The following NF1 variants were observed in gnomAD, a reference collection of about 807,000 sequenced individuals.
The protein encoded by NF1 is neurofibromin 1.
In NF1, 122 loss-of-function variants were observed where a neutral mutation model predicts 325.7. The observed-to-expected ratio is 0.37, with a 90% CI of 0.32 to 0.44. NF1 has a LOEUF of 0.44. Ranked by LOEUF, NF1 falls within the 20% of genes least tolerant of loss-of-function variation. The pLI, the probability that NF1 is intolerant of heterozygous loss-of-function variation, is 1.00. For synonymous variants in NF1, 1,091 were observed against 1,186.0 expected (o/e 0.92, Z 1.65); for missense variants, 2,140 against 3,415.4 (o/e 0.63, Z 9.31).
chr17:31,375,342 C>A lies in NF1; in HGVS notation c.*1187C>A, dbSNP rs1184430338. 1.7e-5 allele frequency: 4 copies of A among 230,004 alleles called. No individual in the cohort carries two copies. The highest frequency in any genetic ancestry group is 5.7e-5 in the Admixed American group (1 of 17,678). The allele number at this position is 230,004 out of a possible 1,614,324, so 14.2% of individuals were successfully genotyped here. On this transcript the variant is annotated 3_prime_UTR_variant, in exon 58 of 58. Coordinates refer to ENST00000358273, the MANE Select transcript of NF1 (RefSeq NM_001042492.3). ...ATGTAGGTTATATATGCTAGAATTG[C>A]ATTTAATCACTGTGAAAAGACTGGT...
At chr17:31,140,332 G>A (rs1916125381) in intron 1 of NF1, among the ~76,000 whole-genome samples, 2 of 152,080 alleles carry the variant, frequency 1.3e-5, no homozygotes, top group African/African-American at 4.8e-5. Flanking sequence ...TTGAGATAAT[G>A]ACAATTGTGG....
intron 1 of NF1, among the ~76,000 whole-genome samples, chr17:31,132,698 CTG>C (rs1467198532): frequency 6.6e-6 from 1 of 151,924 alleles, no homozygotes; most frequent in African/African-American, 2.4e-5. Flanking sequence ...CGGAGTTTCA[CTG>C]TTGTTGCCCA....
intron 55 of NF1, 46 bp downstream of exon 55, chr17:31,358,668 A>G (rs934484504): frequency 1.1e-5 from 17 of 1,608,748 alleles, no homozygotes; most frequent in East Asian, 6.7e-5. Flanking sequence ...ACTTGCTAAC[A>G]TGCGCGCTGT....
intron 36 of NF1, among the ~76,000 whole-genome samples, chr17:31,322,080 G>C (rs1316103371): frequency 8.8e-6 from 1 of 113,194 alleles, no homozygotes; most frequent in Non-Finnish European, 1.8e-5. Context: ...CTTTCGTGTG[G>C]TGTAGTGTGT....
rs748901190 is a variant in NF1 at position 31,258,483 on chromosome 17, G to A, written c.4313G>A (p.Gly1438Asp). Residue 1438 changes from glycine to aspartate, a missense_variant, in exon 32 of 58, where the codon GGC (glycine) becomes GAC (aspartate). Coordinates refer to ENST00000358273, the MANE Select transcript of NF1 (RefSeq NM_001042492.3). ...AAGCCACCACCTAGAATCGAAAGGG[G>A]CTTGAAGTTAATGTCAAAGGTGAAT... ...DKKPPPRIERGLKLMSKILQS... is the reference protein window; with the variant it reads ...DKKPPPRIERDLKLMSKILQS... 2 of 1,613,794 alleles carry A rather than the reference G, an allele frequency of 1.2e-6. No homozygotes were observed. Among genetic ancestry groups the A allele is most frequent in the Non-Finnish European group, 1.7e-6 (2 of 1,179,872 alleles).
intron 36 of NF1, among the ~76,000 whole-genome samples, chr17:31,311,198 C>A (rs1180313045): frequency 6.6e-6 from 1 of 151,904 alleles, no homozygotes; most frequent in African/African-American, 2.4e-5. Flanking sequence ...AGTGACCCAC[C>A]CACCTTGGCC....
chr17:31,139,657 A>T (rs1349504137), intron 1 of NF1, among the ~76,000 whole-genome samples: 1 of 152,178 alleles, frequency 6.6e-6, no homozygotes, highest in Non-Finnish European at 1.5e-5. Context: ...TTCTTTGAAC[A>T]TTAGTTTGTT....
intron 36 of NF1, among the ~76,000 whole-genome samples, chr17:31,269,303 T>G (rs574787615): frequency 2.1e-4 from 32 of 152,176 alleles, no homozygotes; most frequent in Admixed American, 1.3e-4. Flanking sequence ...TTTTCTAATC[T>G]TTTCCTTCTA....
intron 1 of NF1, among the ~76,000 whole-genome samples, chr17:31,115,023 C>G (rs1158515720): frequency 6.6e-6 from 1 of 152,130 alleles, no homozygotes; most frequent in African/African-American, 2.4e-5. Flanking sequence ...CATTATGTAG[C>G]AACAGTACAG....
chr17:31,139,323 C>T (rs1237181704), intron 1 of NF1, among the ~76,000 whole-genome samples: 1 of 151,802 alleles, frequency 6.6e-6, no homozygotes, highest in Admixed American at 6.6e-5. Context: ...GCTGGGATTA[C>T]AGCATGAGTC....
Position 31,335,279 on chromosome 17 carries a change from T to TACATAC in NF1, c.6006+249_6006+250insCATACA, listed in dbSNP as rs1257891070. 1.9e-4 allele frequency among the ~76,000 whole-genome samples: 10 copies of TACATAC among 53,524 alleles called. 1 individual carries two copies. Among genetic ancestry groups the TACATAC allele is most frequent in the Non-Finnish European group, 5.3e-4 (10 of 18,880 alleles). 35.1% of individuals were successfully genotyped at this position (53,524 alleles called of 152,430 possible). On this transcript the variant is annotated intron_variant, in intron 40 of 57. Coordinates refer to ENST00000358273, the MANE Select transcript of NF1 (RefSeq NM_001042492.3). ...CAGTCTCCTTCAAGGCATAATTATA[T>TACATAC]ATATATATATATATATAATTATGCC...
At chr17:31,314,136 A>G (rs1001391733) in intron 36 of NF1, 1 of 396,824 alleles carries the variant, frequency 2.5e-6, no homozygotes, top group African/African-American at 2.1e-5. Flanking sequence ...AAGTTTATCA[A>G]TAGCTGGTTC....
intron 36 of NF1, among the ~76,000 whole-genome samples, chr17:31,293,187 A>AAAAAAAAAC: frequency 2.1e-5 from 1 of 46,978 alleles, no homozygotes; most frequent in Non-Finnish European, 3.3e-5. Flanking sequence ...TCAAAAAAAA[A>AAAAAAAAAC]AAAAAAAAAA....
chr17:31,225,658 A>G (rs1405291913), intron 17 of NF1, among the ~76,000 whole-genome samples: 1 of 152,210 alleles, frequency 6.6e-6, no homozygotes, highest in Admixed American at 6.5e-5. Context: ...ATTTTGCTTC[A>G]TGTTAAAGAT....
chr17:31,300,031 C>T (rs1288332858), intron 36 of NF1, among the ~76,000 whole-genome samples: 1 of 152,072 alleles, frequency 6.6e-6, no homozygotes, highest in Non-Finnish European at 1.5e-5. Flanking sequence ...AGATTATAGA[C>T]TACCGAATAA....
intron 1 of NF1, among the ~76,000 whole-genome samples, chr17:31,131,065 C>G (rs1915342963): frequency 6.6e-6 from 1 of 152,178 alleles, no homozygotes; most frequent in Non-Finnish European, 1.5e-5. Context: ...CACACCACCC[C>G]CACCTTATGG....
At chr17:31,369,106 A>G (rs893311547) in intron 57 of NF1, among the ~76,000 whole-genome samples, 1 of 152,200 alleles carries the variant, frequency 6.6e-6, no homozygotes, top group Admixed American at 6.5e-5. Context: ...ATTTCATGAT[A>G]CTATTATAAC....
At position 31,155,219 on chromosome 17, in the gene NF1, A is replaced by G. The variant is rs868058226; in HGVS notation, c.61-764A>G. On this transcript the variant is annotated intron_variant, in intron 1 of 57. Coordinates refer to ENST00000358273, the MANE Select transcript of NF1 (RefSeq NM_001042492.3). ...TTAGCATTAGCAGGGTTTAATATTA[A>G]CAGTAAGTATGTCCATGATGCTTTA... 9.8e-5 allele frequency among the ~76,000 whole-genome samples: 15 copies of G among 152,308 alleles called. No individual in the cohort carries two copies. The Middle Eastern group carries it at 0.017, about 173-fold the overall frequency.
chr17:31,237,357 C>T (rs937905526), intron 29 of NF1, among the ~76,000 whole-genome samples: 3 of 152,206 alleles, frequency 2.0e-5, no homozygotes, highest in African/African-American at 7.2e-5. Context: ...TCACTGCAAC[C>T]TTCCTGTGCA....
Sources: gnomAD v4.1 joint callset for allele counts (sites outside exome capture counted in the v4.1 genomes callset) on GRCh38, gnomAD v4.1.1 for gene constraint, MANE v1.5 for transcripts, NCBI Gene and HGNC (gene_info 2026-07-23, HGNC 2026-07-21) for gene names.